The following REPS2 variants were observed in gnomAD, a reference collection of about 807,000 sequenced individuals.
The protein encoded by REPS2 is RALBP1 associated Eps domain containing 2.
REPS2 carries 23 observed loss-of-function variants against 53.6 expected under a neutral mutation model. That is an observed-to-expected ratio of 0.43 (90% CI 0.31 to 0.61). REPS2 has a LOEUF of 0.61. Among genes scored for constraint, REPS2 ranks in the 20% least tolerant of loss-of-function variants. The pLI is 0.11. For missense variants in REPS2, 446 were observed against 534.9 expected (o/e 0.83, Z 1.64); for synonymous variants, 238 against 218.6 (o/e 1.09, Z -0.78).
Position 16,946,927 on chromosome X carries a change from C to G in REPS2, c.66C>G (p.Gly22=). 1.2e-6 allele frequency: 1 copy of G among 826,567 alleles called. No homozygotes were observed. 68.1% of individuals were successfully genotyped at this position (826,567 alleles called of 1,213,427 possible). A position where few individuals can be genotyped will look rare whatever the true frequency, so the allele number is the denominator to read the frequency against. Residue 22 remains glycine, a synonymous_variant, in exon 1 of 18, where the codon GGC becomes GGG. Coordinates refer to ENST00000357277, the MANE Select transcript of REPS2 (RefSeq NM_004726.3). ...AAAAAAGGGC[G]SGPPPLLLSE... is the part of the protein sequence containing the mutation. ...CGGCAGCGGCGGGCGGGGGCTGTGGCTCCGGGCCGCCGCCGCTGCTGCTGA... is the reference window on the plus strand; with the variant it reads ...CGGCAGCGGCGGGCGGGGGCTGTGGGTCCGGGCCGCCGCCGCTGCTGCTGA...
intron 1 of REPS2, among the ~76,000 whole-genome samples, chrX:17,005,823 A>G (rs2061356584): frequency 1.8e-5 from 2 of 112,353 alleles, no homozygotes; most frequent in South Asian, 7.3e-4. Context: ...GATAAACTAG[A>G]ATAATCCATG....
At chrX:17,091,066 C>A (rs1378013306) in intron 13 of REPS2, among the ~76,000 whole-genome samples, 1 of 111,935 alleles carries the variant, frequency 8.9e-6, no homozygotes, top group Non-Finnish European at 1.9e-5. Context: ...ACACTGCATT[C>A]TGTTCTGTTG....
At chrX:17,038,802 G>A (rs369555147) in intron 5 of REPS2, among the ~76,000 whole-genome samples, 1 of 112,277 alleles carries the variant, frequency 8.9e-6, no homozygotes, top group East Asian at 2.8e-4. Flanking sequence ...AGAGCCTGGA[G>A]TGGGAGGGAG....
intron 9 of REPS2, among the ~76,000 whole-genome samples, chrX:17,065,295 C>T (rs1411891871): frequency 4.5e-5 from 5 of 112,213 alleles, no homozygotes; most frequent in Non-Finnish European, 7.5e-5. Flanking sequence ...TATTGTCTGC[C>T]TTTTTGATTT....
intron 13 of REPS2, among the ~76,000 whole-genome samples, chrX:17,098,744 A>G (rs933841924): frequency 9.0e-6 from 1 of 110,512 alleles, no homozygotes; most frequent in Non-Finnish European, 1.9e-5. Context: ...CAGTGACTGA[A>G]CTCTGCCACC....
At chrX:16,979,181 T>A (rs1451955617) in intron 1 of REPS2, among the ~76,000 whole-genome samples, 1 of 111,794 alleles carries the variant, frequency 8.9e-6, no homozygotes, top group Non-Finnish European at 1.9e-5. Context: ...AGATTATAGA[T>A]TTGCCCCCAT....
Position 17,147,482 on chromosome X carries a change from C to G in REPS2, c.*1C>G, listed in dbSNP as rs1299436225. 8.4e-7 allele frequency: 1 copy of G among 1,184,929 alleles called. No homozygotes were observed. The highest frequency in any genetic ancestry group is 3.0e-5 in the East Asian group (1 of 33,483). ...ACTTCGTCCGGTCACTGTGTTGTGA[C>G]CCCCCCATGGTTCAAGTGACAGTGG... On this transcript the variant is annotated 3_prime_UTR_variant, in exon 18 of 18. Transcript: ENST00000357277.
chrX:16,977,308 A>T (rs754549641), intron 1 of REPS2, among the ~76,000 whole-genome samples: 11 of 110,954 alleles, frequency 9.9e-5, no homozygotes, highest in Non-Finnish European at 1.3e-4. Context: ...AGTATTAAGG[A>T]TGGGTGATTC....
chrX:17,110,524 A>G (rs1470222614), intron 14 of REPS2, among the ~76,000 whole-genome samples: 1 of 94,950 alleles, frequency 1.1e-5, no homozygotes, highest in Non-Finnish European at 2.1e-5. Context: ...ATCTCTACTC[A>G]AAAAAAAAAA....
chrX:17,047,543 T>C (rs2061925456), intron 6 of REPS2, 61 bp downstream of exon 6: 1 of 1,145,755 alleles, frequency 8.7e-7, no homozygotes, highest in East Asian at 3.0e-5. Context: ...TCTTGAGAAA[T>C]CATTCACGCA....
At chrX:17,056,505 C>T (rs113631229) in intron 8 of REPS2, among the ~76,000 whole-genome samples, 19 of 111,167 alleles carry the variant, frequency 1.7e-4, no homozygotes, top group South Asian at 3.8e-4. Flanking sequence ...CTGGCTAACA[C>T]GGTGAAACCC....
intron 1 of REPS2, among the ~76,000 whole-genome samples, chrX:16,988,262 A>G (rs2061116077): frequency 9.0e-6 from 1 of 111,655 alleles, no homozygotes; most frequent in African/African-American, 3.3e-5. Flanking sequence ...TGGGCAACAG[A>G]GTGACACCGC....
intron 14 of REPS2, among the ~76,000 whole-genome samples, chrX:17,119,404 T>G (rs973006013): frequency 1.8e-5 from 2 of 112,595 alleles, no homozygotes; most frequent in African/African-American, 6.5e-5. Flanking sequence ...TTCTTCCTCA[T>G]TATATTATGC....
intron 13 of REPS2, among the ~76,000 whole-genome samples, chrX:17,089,680 G>T (rs1395785813): frequency 8.9e-6 from 1 of 112,105 alleles, no homozygotes; most frequent in African/African-American, 3.2e-5. Context: ...TGTTTTTGAG[G>T]TTCATTCATG....
chrX:16,961,939 A>G (rs1468422990), intron 1 of REPS2, among the ~76,000 whole-genome samples: 1 of 112,147 alleles, frequency 8.9e-6, no homozygotes, highest in African/African-American at 3.2e-5. Flanking sequence ...AACCACTATG[A>G]GATATCAGCT....
chrX:16,956,493 G>A (rs1332090632), intron 1 of REPS2, among the ~76,000 whole-genome samples: 2 of 110,074 alleles, frequency 1.8e-5, no homozygotes, highest in African/African-American at 6.6e-5. Context: ...GTAGAAACGG[G>A]ATTTTGCCAT....
chrX:17,166,640 T>C, the REPS2 span, among the ~76,000 whole-genome samples: 1 of 111,895 alleles, frequency 8.9e-6, no homozygotes, highest in East Asian at 2.8e-4. Context: ...TTATTTTATA[T>C]TCCAGCCTGA....
chrX:17,134,690 C>T (rs753800546), intron 15 of REPS2, among the ~76,000 whole-genome samples: 23 of 109,771 alleles, frequency 2.1e-4, no homozygotes, highest in East Asian at 1.4e-3. Context: ...AGTGCAGTGG[C>T]GCGATCTCGG....
At chrX:16,976,701 G>A (rs761486624) in intron 1 of REPS2, among the ~76,000 whole-genome samples, 7 of 111,520 alleles carry the variant, frequency 6.3e-5, no homozygotes, top group Non-Finnish European at 1.3e-4. Flanking sequence ...CTCACCTACT[G>A]CCAATCATTC....
Sources: allele counts gnomAD v4.1 joint callset (sites outside exome capture counted in the v4.1 genomes callset), GRCh38; gene constraint gnomAD v4.1.1; transcripts MANE v1.5; gene names NCBI Gene and HGNC (gene_info 2026-07-23, HGNC 2026-07-21).